ABCA13: variants seen among roughly 807,000 people sequenced by gnomAD.
ABCA13 encodes ATP binding cassette subfamily A member 13.
ABCA13 carries 476 observed loss-of-function variants against 478.7 expected under a neutral mutation model. The ratio of observed to expected loss-of-function variants is 0.99; its 90% CI spans 0.92 to 1.07. The LOEUF is 1.07. ABCA13 is among the 50% of genes least tolerant of loss of function. ABCA13 has a pLI of 0.00. For synonymous variants in ABCA13, 2,252 were observed against 2,158.9 expected, an observed-to-expected ratio of 1.04 and a Z score of -1.20; for missense variants, 6,060 against 5,910.6, an observed-to-expected ratio of 1.03 and a Z score of -0.83.
intron 51 of ABCA13, among the ~76,000 whole-genome samples, chr7:48,513,017 T>C (rs905367315): frequency 1.3e-5 from 2 of 152,170 alleles, no homozygotes; most frequent in Non-Finnish European, 2.9e-5. Context: ...TCTTTCTTCA[T>C]TGGAGCACAG....
In ABCA13 at chr7:48,637,342, C is replaced by T. The variant is rs185744593; in HGVS notation, c.14838-5946C>T. 9.4e-3 allele frequency among the ~76,000 whole-genome samples: 1,128 copies of T among 120,122 alleles called. 7 individuals carry two copies. The highest frequency in any genetic ancestry group is 0.014 in the Non-Finnish European group (888 of 62,588). 78.8% of individuals were successfully genotyped at this position (120,122 alleles called of 152,430 possible). A position where few individuals can be genotyped will look rare whatever the true frequency, so the allele number is the denominator to read the frequency against. Reference sequence around the variant, plus strand: ...CAAGCCAGAAAGTAGCTTGCCATGGCTTCTTCTATGGGGTGTTTTCTTTAT... The same window carrying T: ...CAAGCCAGAAAGTAGCTTGCCATGGTTTCTTCTATGGGGTGTTTTCTTTAT... On this transcript the variant is annotated intron_variant, in intron 59 of 61. Coordinates refer to ENST00000435803, the MANE Select transcript of ABCA13 (RefSeq NM_152701.5).
At chr7:48,283,170 C>G (rs1241221666) in intron 19 of ABCA13, among the ~76,000 whole-genome samples, 1 of 151,984 alleles carries the variant, frequency 6.6e-6, no homozygotes, top group Non-Finnish European at 1.5e-5. Flanking sequence ...TCCCAACATC[C>G]ACTATCAGAA....
At chr7:48,379,917 T>G (rs1373583144) in intron 35 of ABCA13, among the ~76,000 whole-genome samples, 1 of 152,228 alleles carries the variant, frequency 6.6e-6, no homozygotes. Context: ...ATTTTCTGTC[T>G]TACAATTCTA....
intron 1 of ABCA13, among the ~76,000 whole-genome samples, chr7:48,183,806 T>C (rs1796017244): frequency 6.6e-6 from 1 of 152,226 alleles, no homozygotes; most frequent in Admixed American, 6.5e-5. Context: ...TATTCTCCCA[T>C]TGACGGGGTT....
chr7:48,360,286 G>T (rs1466502914), intron 31 of ABCA13, among the ~76,000 whole-genome samples: 1 of 150,920 alleles, frequency 6.6e-6, no homozygotes, highest in African/African-American at 2.5e-5. Flanking sequence ...AGGACATGGA[G>T]TGTTTGGTTT....
chr7:48,413,277 G>A (rs73325728), intron 41 of ABCA13, among the ~76,000 whole-genome samples: 3,172 of 152,240 alleles, frequency 0.021, 124 homozygotes, highest in African/African-American at 0.073. Flanking sequence ...CTGGGTATCC[G>A]TGATGTGAGA....
chr7:48,601,698 A>C (rs1316958282), intron 58 of ABCA13, among the ~76,000 whole-genome samples: 1 of 152,110 alleles, frequency 6.6e-6, no homozygotes, highest in African/African-American at 2.4e-5. Context: ...TGCATGTGTC[A>C]TCATAGTAGA....
At chr7:48,421,017 T>C (rs976350233) in intron 41 of ABCA13, among the ~76,000 whole-genome samples, 4 of 152,140 alleles carry the variant, frequency 2.6e-5, no homozygotes, top group Non-Finnish European at 1.5e-5. Flanking sequence ...TTGCTGTGAT[T>C]GGTCAGGTTA....
At chr7:48,379,505 T>C (rs1312451784) in intron 35 of ABCA13, among the ~76,000 whole-genome samples, 1 of 152,168 alleles carries the variant, frequency 6.6e-6, no homozygotes, top group Non-Finnish European at 1.5e-5. Flanking sequence ...GAAACTAATT[T>C]ATAGTAAGTT....
At chr7:48,408,785 A>G (rs1360007544) in intron 39 of ABCA13, among the ~76,000 whole-genome samples, 2 of 152,004 alleles carry the variant, frequency 1.3e-5, no homozygotes, top group Non-Finnish European at 2.9e-5. Flanking sequence ...AGATTATTGC[A>G]TTGCTCCGGT....
Position 48,275,569 on chromosome 7 carries a change from C to T in ABCA13, c.5903C>T (p.Thr1968Ile), listed in dbSNP as rs537667000. 10 of 1,613,550 alleles carry T rather than the reference C, an allele frequency of 6.2e-6. No individual in the cohort carries two copies. Among genetic ancestry groups the T allele is most frequent in the African/African-American group, 4.0e-5 (3 of 75,010 alleles). Residue 1968 changes from threonine (T) to isoleucine (I), a missense_variant, in exon 17 of 62, where the codon ACA (threonine) becomes ATA (isoleucine). Around this residue, in one of 3 missense-constraint regions of ABCA13, gnomAD observed 4,423 missense variants for 4,309.1 expected, o/e 1.03. Transcript: ENST00000435803. ...AAAAATGTCAACTTTACAAAAGTTACATCAGGTGAAAATATTCTTGACAAA... is the reference window on the plus strand; with the variant it reads ...AAAAATGTCAACTTTACAAAAGTTATATCAGGTGAAAATATTCTTGACAAA... ...KLKNVNFTKV[T>I]SGENILDKLS...
chr7:48,562,456 A>T (rs1786565968), intron 55 of ABCA13, among the ~76,000 whole-genome samples: 1 of 152,166 alleles, frequency 6.6e-6, no homozygotes, highest in African/African-American at 2.4e-5. Context: ...TCAGATATCT[A>T]GGCAAGGGAC....
chr7:48,292,070 A>G (rs1041244305), intron 20 of ABCA13, among the ~76,000 whole-genome samples: 7 of 152,132 alleles, frequency 4.6e-5, no homozygotes, highest in African/African-American at 1.7e-4. Context: ...AAAAATCCCA[A>G]TTACTTCCTG....
At position 48,481,400 on chromosome 7, in the gene ABCA13, A is replaced by G. The variant is rs192264407; in HGVS notation, c.13094+246A>G. The stretch of plus-strand genomic sequence containing the variant: ...AATATAATAAAGTCTAATTGAATAC[A>G]AAAACAAACAAAAAAAATTCCACAT... On this transcript the variant is annotated intron_variant, in intron 46 of 61. Transcript: ENST00000435803. Among the ~76,000 whole-genome samples, 6 of 152,316 alleles carry G rather than the reference A, an allele frequency of 3.9e-5. No individual in the cohort carries two copies. In the South Asian group the frequency reaches 1.2e-3, roughly 32 times the overall value.
intron 58 of ABCA13, among the ~76,000 whole-genome samples, chr7:48,601,403 G>A (rs116360454): frequency 0.02 from 2,969 of 151,984 alleles, 100 homozygotes; most frequent in African/African-American, 0.067. Flanking sequence ...AACAGGCCCC[G>A]GTGTGTGATG....
chr7:48,481,672 A>AT (rs957191421), intron 46 of ABCA13, among the ~76,000 whole-genome samples: 11 of 85,528 alleles, frequency 1.3e-4, no homozygotes, highest in Non-Finnish European at 2.8e-4. Flanking sequence ...CACCTGGCTA[A>AT]TTTTTTTGTA....
chr7:48,573,337 T>A (rs1350974015), intron 55 of ABCA13, among the ~76,000 whole-genome samples: 1 of 148,356 alleles, frequency 6.7e-6, no homozygotes, highest in Non-Finnish European at 1.5e-5. Context: ...TATTTGTTTT[T>A]TATCTTATTT....
chr7:48,331,919 C>T (rs554958502), intron 27 of ABCA13, among the ~76,000 whole-genome samples: 199 of 152,296 alleles, frequency 1.3e-3, no homozygotes, highest in African/African-American at 4.5e-3. Flanking sequence ...AGTCCCTGAC[C>T]CCTGCCAGCC....
In ABCA13 at chr7:48,372,528, A is replaced by C. The variant is rs6980209; in HGVS notation, c.11133+31A>C. The C allele has an allele frequency of 2.9e-3, 4,331 of 1,495,132 alleles. 109 individuals are homozygous for C. In the African/African-American group the frequency reaches 0.055, roughly 19 times the overall value. The allele number at this position is 1,495,132 out of a possible 1,614,324, so 92.6% of individuals were successfully genotyped here. On this transcript the variant is annotated intron_variant, in intron 33 of 61. Coordinates refer to ENST00000435803, the MANE Select transcript of ABCA13 (RefSeq NM_152701.5). Reference sequence around the variant, plus strand: ...TAAGTTGTTTTGTAAAAAAAAAAAAAAAAAACAACAAAATTGCAATCTATC... The same window carrying C: ...TAAGTTGTTTTGTAAAAAAAAAAAACAAAAACAACAAAATTGCAATCTATC...
Sources: allele counts gnomAD v4.1 joint callset (sites outside exome capture counted in the v4.1 genomes callset), GRCh38; gene constraint gnomAD v4.1.1; regional missense constraint gnomAD v4.1.1; transcripts MANE v1.5; gene names NCBI Gene and HGNC (gene_info 2026-07-23, HGNC 2026-07-21).